RFX7: variants seen among roughly 807,000 people sequenced by gnomAD.
RFX7 encodes regulatory factor X7.
In RFX7, 26 loss-of-function variants were observed where a neutral mutation model predicts 111.8. The observed-to-expected ratio is 0.23, with a 90% confidence interval of 0.17 to 0.32. The LOEUF (loss-of-function observed/expected upper bound fraction) is 0.32, where lower values mean the gene tolerates loss of function less well. Among genes scored for constraint, RFX7 ranks in the 10% least tolerant of loss-of-function variants. RFX7 has a pLI of 1.00. For missense variants in RFX7, 1,573 were observed against 1,772.9 expected (o/e 0.89, Z 2.02); for synonymous variants, 624 against 624.4 (o/e 1.00, Z 0.01).
intron 4 of RFX7, 80 bp from the exon 5 acceptor site, chr15:56,142,980 A>G (rs1052170718): frequency 8.1e-6 from 12 of 1,475,896 alleles, no homozygotes; most frequent in East Asian, 6.9e-5. Context: ...ATGTTCCACT[A>G]AAGAACTGTA....
intron 2 of RFX7, among the ~76,000 whole-genome samples, chr15:56,214,712 C>T (rs1363071159): frequency 2.9e-5 from 3 of 103,518 alleles, no homozygotes; most frequent in Non-Finnish European, 4.0e-5. Context: ...GAGACTCTGT[C>T]TCAAAAAAAA....
At chr15:56,115,822 G>A (rs983043970) in intron 5 of RFX7, among the ~76,000 whole-genome samples, 2 of 151,916 alleles carry the variant, frequency 1.3e-5, no homozygotes, top group Non-Finnish European at 2.9e-5. Flanking sequence ...GGTGCCTGTA[G>A]TCTCAGCTAC....
intron 3 of RFX7, among the ~76,000 whole-genome samples, chr15:56,169,218 C>T (rs979647150): frequency 5.1e-4 from 78 of 152,174 alleles, no homozygotes; most frequent in African/African-American, 1.7e-3. Flanking sequence ...CAGTAAGCAC[C>T]TTCCAGTTTC....
intron 5 of RFX7, among the ~76,000 whole-genome samples, chr15:56,133,387 T>A (rs952282038): frequency 2.0e-5 from 3 of 152,034 alleles, no homozygotes; most frequent in Non-Finnish European, 4.4e-5. Context: ...TTAATGACTA[T>A]TAAAGGGATT....
intron 5 of RFX7, among the ~76,000 whole-genome samples, chr15:56,110,503 C>A (rs2041911101): frequency 9.6e-6 from 1 of 104,028 alleles, no homozygotes; most frequent in African/African-American, 3.5e-5. Context: ...AAGTGAGGAG[C>A]CCCTCTGCCC....
chr15:56,111,856 C>T (rs1224070649), intron 5 of RFX7, among the ~76,000 whole-genome samples: 2 of 152,022 alleles, frequency 1.3e-5, no homozygotes, highest in South Asian at 4.2e-4. Context: ...GTGGCTCATC[C>T]CTGTAGTCCC....
intron 2 of RFX7, among the ~76,000 whole-genome samples, chr15:56,232,303 T>C (rs1168801112): frequency 1.3e-5 from 2 of 152,208 alleles, no homozygotes; most frequent in Non-Finnish European, 2.9e-5. Flanking sequence ...GCTGTTTCCA[T>C]ACATCCTCTG....
chr15:56,088,420 A>G lies in RFX7; in HGVS notation c.*4925T>C, dbSNP rs1595914307. ...TGGGTCTAATGCAAAGAAATACTCT[A>G]TATACCACAGTAATATCACTCTCAT... is the stretch of plus-strand genomic sequence containing the variant. On this transcript the variant is annotated 3_prime_UTR_variant, in exon 10 of 10. Transcript: ENST00000559447. The G allele has an allele frequency of 6.6e-6, 1 of 152,226 alleles. No homozygotes were observed. The highest frequency in any genetic ancestry group is 2.4e-5 in the African/African-American group (1 of 41,448). 9.4% of individuals were successfully genotyped at this position (152,226 alleles called of 1,614,324 possible).
intron 3 of RFX7, among the ~76,000 whole-genome samples, chr15:56,153,445 AATCCACATAAACAACAAACGTAATCC>A (rs2042604438): frequency 6.6e-6 from 1 of 152,188 alleles, no homozygotes; most frequent in Non-Finnish European, 1.5e-5. Context: ...ACATAAATCC[AATCCACATAAACAACAAACGTAATCC>A]ATCCACATAA....
intron 2 of RFX7, among the ~76,000 whole-genome samples, chr15:56,241,191 C>T (rs1449934562): frequency 1.3e-5 from 2 of 151,948 alleles, no homozygotes; most frequent in Non-Finnish European, 2.9e-5. Context: ...TTTTTCAGAG[C>T]AAGTACCAAA....
At chr15:56,159,849 T>C (rs2042700275) in intron 3 of RFX7, among the ~76,000 whole-genome samples, 1 of 152,198 alleles carries the variant, frequency 6.6e-6, no homozygotes, top group African/African-American at 2.4e-5. Flanking sequence ...TAAGGAACTA[T>C]GTTTTCATTA....
chr15:56,166,271 CTT>C (rs2042781195), intron 3 of RFX7, among the ~76,000 whole-genome samples: 1 of 152,196 alleles, frequency 6.6e-6, no homozygotes, highest in East Asian at 1.9e-4. Flanking sequence ...ATACTTCTCT[CTT>C]GTTTTCAGCT....
chr15:56,102,730 A>G (rs1234119899), intron 6 of RFX7, among the ~76,000 whole-genome samples: 1 of 152,226 alleles, frequency 6.6e-6, no homozygotes, highest in Admixed American at 6.5e-5. Flanking sequence ...AGACACATCA[A>G]AACATTTTTG....
intron 2 of RFX7, among the ~76,000 whole-genome samples, chr15:56,240,006 T>TC (rs1661190376): frequency 7.1e-6 from 1 of 141,604 alleles, no homozygotes; most frequent in Non-Finnish European, 1.5e-5. Context: ...TTTTTTTTTT[T>TC]GAAGTAACCA....
At chr15:56,202,245 C>T (rs894640125) in intron 2 of RFX7, among the ~76,000 whole-genome samples, 2 of 151,946 alleles carry the variant, frequency 1.3e-5, no homozygotes, top group Non-Finnish European at 2.9e-5. Flanking sequence ...TTACCTAGTA[C>T]ATTAAGAAGT....
rs1405736248 is a variant in RFX7, at chr15:56,091,712, A to G, written c.*1633T>C. 1 of 152,524 alleles carries G rather than the reference A, an allele frequency of 6.6e-6. No individual in the cohort carries two copies. The highest frequency in any genetic ancestry group is 2.4e-5 in the African/African-American group (1 of 41,454). 9.4% of individuals were successfully genotyped at this position (152,524 alleles called of 1,614,324 possible). A position where few individuals can be genotyped will look rare whatever the true frequency, so the allele number is the denominator to read the frequency against. On this transcript the variant is annotated 3_prime_UTR_variant, in exon 10 of 10. Coordinates refer to ENST00000559447, the MANE Select transcript of RFX7 (RefSeq NM_022841.7). ...ATACCTAACAAATCATGAAATCAAGATAACAGCAAACACACACAAATGCCA... is the reference window on the plus strand; with the variant it reads ...ATACCTAACAAATCATGAAATCAAGGTAACAGCAAACACACACAAATGCCA...
At chr15:56,200,866 G>T (rs1340122667) in intron 2 of RFX7, among the ~76,000 whole-genome samples, 1 of 151,726 alleles carries the variant, frequency 6.6e-6, no homozygotes, top group Non-Finnish European at 1.5e-5. Flanking sequence ...GAGGATAAAT[G>T]TGACTTCAAT....
chr15:56,221,586 CTTGT>C (rs1223058717), intron 2 of RFX7, among the ~76,000 whole-genome samples: 4 of 152,058 alleles, frequency 2.6e-5, no homozygotes, highest in Middle Eastern at 3.2e-3. Context: ...AGTTAATGGT[CTTGT>C]TTTTTATTCA....
At chr15:56,240,796 T>C (rs1391650987) in intron 2 of RFX7, among the ~76,000 whole-genome samples, 1 of 152,164 alleles carries the variant, frequency 6.6e-6, no homozygotes, top group Admixed American at 6.5e-5. Flanking sequence ...AAATAATTTG[T>C]AAAATAATAT....
Sources: gnomAD v4.1 joint callset for allele counts (sites outside exome capture counted in the v4.1 genomes callset) on GRCh38, gnomAD v4.1.1 for gene constraint, MANE v1.5 for transcripts, NCBI Gene and HGNC (gene_info 2026-07-23, HGNC 2026-07-21) for gene names.